Variants in BIN3 observed in about 807,000 individuals in gnomAD.
BIN3 encodes the protein bridging integrator 3.
BIN3 carries 41 observed loss-of-function variants against 38.2 expected under a neutral mutation model. The ratio of observed to expected loss-of-function variants is 1.07; its 90% confidence interval spans 0.84 to 1.39. The LOEUF (loss-of-function observed/expected upper bound fraction) is 1.39, where lower values mean the gene tolerates loss of function less well. Ranked by LOEUF, BIN3 falls within the 40% of genes most tolerant of loss-of-function variation. The probability of loss-of-function intolerance (pLI) is 0.00; values close to 1 mark genes in which losing one functional copy is unlikely to be tolerated. For missense variants in BIN3, 361 were observed against 324.3 expected, an observed-to-expected ratio of 1.11 and a Z score of -0.87; for synonymous variants, 145 against 122.6, an observed-to-expected ratio of 1.18 and a Z score of -1.21.
chr8:22,640,484 C>T (rs1414552631), intron 2 of BIN3, among the ~76,000 whole-genome samples: 3 of 151,970 alleles, frequency 2.0e-5, no homozygotes, highest in Admixed American at 6.6e-5. Context: ...CCACCGCGCA[C>T]GGCCCACATC....
At chr8:22,630,676 TG>T in intron 4 of BIN3, 98 bp from the exon 5 acceptor site, 1 of 1,399,514 alleles carries the variant, frequency 7.1e-7, no homozygotes, top group Non-Finnish European at 9.7e-7. Flanking sequence ...GCCTGCACCC[TG>T]AAGACCTCTT....
intron 1 of BIN3, among the ~76,000 whole-genome samples, chr8:22,663,300 G>T (rs560250271): frequency 6.6e-6 from 1 of 151,724 alleles, no homozygotes; most frequent in East Asian, 1.9e-4. Context: ...GTCCAGGTGT[G>T]GTGGCTAACA....
chr8:22,639,148 T>C (rs1245539539), intron 2 of BIN3, among the ~76,000 whole-genome samples: 1 of 152,172 alleles, frequency 6.6e-6, no homozygotes, highest in Non-Finnish European at 1.5e-5. Flanking sequence ...CCAGCAGGGC[T>C]GGAAGAATGC....
At chr8:22,636,830 C>T (rs942285139) in intron 3 of BIN3, 92 bp downstream of exon 3, 20 of 1,416,926 alleles carry the variant, frequency 1.4e-5, no homozygotes, top group Admixed American at 1.2e-4. Flanking sequence ...AGGGTGCTCA[C>T]GGGGCAGGGC....
chr8:22,649,673 T>G (rs1456322185), intron 1 of BIN3, among the ~76,000 whole-genome samples: 1 of 152,036 alleles, frequency 6.6e-6, no homozygotes, highest in African/African-American at 2.4e-5. Context: ...CTTTGCACTT[T>G]CCACATTTTT....
Position 22,630,449 on chromosome 8 carries a change from T to C in BIN3, c.290A>G (p.Gln97Arg). The C allele has an allele frequency of 6.2e-7, 1 of 1,613,986 alleles. No homozygotes were observed. Among genetic ancestry groups the C allele is most frequent in the Non-Finnish European group, 8.5e-7 (1 of 1,179,866 alleles). Residue 97 changes from glutamine (Q) to arginine (R), a missense_variant, in exon 5 of 9, where the codon CAG becomes CGG. Physicochemically the swap from Gln to Arg is conservative, Grantham distance 43 (BLOSUM62 1). Transcript: ENST00000276416. ...ACACCAAGACCTAGTCACCTTTTCC[T>C]GATTGAAGGCATCCATCCGCTTCAT... is the stretch of plus-strand genomic sequence containing the variant. ...TAMKRMDAFN[Q>R]EKVNQIQKTV...
At chr8:22,661,091 C>T (rs1287755704) in intron 1 of BIN3, among the ~76,000 whole-genome samples, 1 of 152,048 alleles carries the variant, frequency 6.6e-6, no homozygotes, top group Non-Finnish European at 1.5e-5. Flanking sequence ...CACTACGCTC[C>T]CCAGGTTAGT....
At chr8:22,646,074 C>T (rs368929888) in intron 1 of BIN3, among the ~76,000 whole-genome samples, 1 of 152,166 alleles carries the variant, frequency 6.6e-6, no homozygotes, top group Non-Finnish European at 1.5e-5. Flanking sequence ...CGGCAGGTGA[C>T]GGCTGCACTG....
intron 2 of BIN3, among the ~76,000 whole-genome samples, chr8:22,637,553 C>T (rs763614442): frequency 7.9e-5 from 12 of 152,224 alleles, no homozygotes; most frequent in East Asian, 1.9e-4. Flanking sequence ...CCATTCCCGA[C>T]CGGGTATCAA....
At chr8:22,629,104 C>G (rs188017697) in intron 6 of BIN3, among the ~76,000 whole-genome samples, 9 of 152,224 alleles carry the variant, frequency 5.9e-5, no homozygotes, top group African/African-American at 2.2e-4. Flanking sequence ...GCACAATCAA[C>G]GAACAGCTCA....
chr8:22,629,803 G>A (rs1004208607), intron 6 of BIN3, 161 bp downstream of exon 6: 13 of 724,950 alleles, frequency 1.8e-5, no homozygotes, highest in African/African-American at 1.1e-4. Context: ...GAGCATGGAC[G>A]CTTAGGCCAC....
At chr8:22,637,715 T>C (rs1484911154) in intron 2 of BIN3, among the ~76,000 whole-genome samples, 1 of 152,166 alleles carries the variant, frequency 6.6e-6, no homozygotes, top group Non-Finnish European at 1.5e-5. Flanking sequence ...ATTGGTCTCT[T>C]ATGGGCATGC....
chr8:22,638,536 T>C (rs1399731140), intron 2 of BIN3, among the ~76,000 whole-genome samples: 3 of 152,150 alleles, frequency 2.0e-5, no homozygotes, highest in Non-Finnish European at 4.4e-5. Context: ...GCCCTGGTGG[T>C]GGAGATAAAC....
intron 2 of BIN3, 102 bp downstream of exon 2, chr8:22,644,653 G>C (rs1340634835): frequency 2.5e-6 from 3 of 1,198,910 alleles, no homozygotes; most frequent in Non-Finnish European, 3.6e-6. Flanking sequence ...CCAGGTTGCT[G>C]TCTTCCCAGC....
chr8:22,635,686 G>A (rs1563957221), intron 4 of BIN3, among the ~76,000 whole-genome samples: 1 of 152,186 alleles, frequency 6.6e-6, no homozygotes, highest in South Asian at 2.1e-4. Context: ...CTCGGGTGAC[G>A]GAACTGAGGT....
chr8:22,624,189 G>C, intron 7 of BIN3, 33 bp downstream of exon 7: 1 of 1,606,530 alleles, frequency 6.2e-7, no homozygotes, highest in Non-Finnish European at 8.5e-7. Flanking sequence ...TGGCCCACCT[G>C]TCTAGCCCCT....
Position 22,623,991 on chromosome 8 carries a change from A to G in BIN3, c.539T>C (p.Leu180Pro). 1 of 1,612,944 alleles carries G rather than the reference A, an allele frequency of 6.2e-7. No individual in the cohort carries two copies. Among genetic ancestry groups the G allele is most frequent in the African/African-American group, 1.3e-5 (1 of 75,056 alleles). ...GCCGTAGAAGCGCGGCATCTCCTCC[A>G]GCAGCTGCCTGTTCTTGGCTTCAAA... ...EDFEAKNRQL[L>P]EEMPRFYGSR... Residue 180 changes from leucine to proline, a missense_variant, in exon 8 of 9, where the codon CTG (leucine) becomes CCG (proline). Leu to Pro is a moderately conservative substitution (Grantham distance 98, BLOSUM62 -3). Coordinates refer to ENST00000276416, the MANE Select transcript of BIN3 (RefSeq NM_018688.6).
In BIN3 at chr8:22,623,898, G is replaced by T. The variant is rs1801920975; in HGVS notation, c.615+17C>A. On this transcript the variant is annotated intron_variant, in intron 8 of 8. Coordinates refer to ENST00000276416, the MANE Select transcript of BIN3 (RefSeq NM_018688.6). Reference sequence around the variant, plus strand: ...TGTGTATACCAAGCCCAGGGGAAGAGCACCTGGCGGCCTCACCTGAGCTCG... The same window carrying T: ...TGTGTATACCAAGCCCAGGGGAAGATCACCTGGCGGCCTCACCTGAGCTCG... The T allele has an allele frequency of 6.2e-7, 1 of 1,609,708 alleles. No homozygotes were observed. Among genetic ancestry groups the T allele is most frequent in the African/African-American group, 1.3e-5 (1 of 75,028 alleles).
At chr8:22,632,508 T>C (rs1164377083) in intron 4 of BIN3, among the ~76,000 whole-genome samples, 3 of 152,182 alleles carry the variant, frequency 2.0e-5, no homozygotes, top group African/African-American at 7.2e-5. Flanking sequence ...GGAGTGACTC[T>C]GTAGATTTAG....
Sources: gnomAD v4.1 joint callset for allele counts (sites outside exome capture counted in the v4.1 genomes callset) on GRCh38, gnomAD v4.1.1 for gene constraint, MANE v1.5 for transcripts, NCBI Gene and HGNC (gene_info 2026-07-23, HGNC 2026-07-21) for gene names.